KIF13A: variants seen among roughly 807,000 people sequenced by gnomAD.
The protein encoded by KIF13A is kinesin family member 13A.
In KIF13A, 79 loss-of-function variants were observed where a neutral mutation model predicts 212.2. The observed-to-expected ratio is 0.37, with a 90% CI of 0.31 to 0.45. The LOEUF (loss-of-function observed/expected upper bound fraction) is 0.45. Among genes scored for constraint, KIF13A ranks in the 20% least tolerant of loss-of-function variants. The pLI is 1.00. For synonymous variants in KIF13A, 789 were observed against 808.6 expected (o/e 0.98, Z 0.41); for missense variants, 1,901 against 2,209.0 (o/e 0.86, Z 2.79).
intron 16 of KIF13A, among the ~76,000 whole-genome samples, chr6:17,819,630 T>C (rs1764261072): frequency 1.3e-5 from 2 of 152,072 alleles, no homozygotes; most frequent in Admixed American, 1.3e-4. Flanking sequence ...AAAAATCTTA[T>C]GCAAACATAG....
rs1255332430 is a variant in KIF13A at position 17,926,745 on chromosome 6, T to A, written c.147-28565A>T. Among the ~76,000 whole-genome samples the A allele has an allele frequency of 6.6e-6, 1 of 152,204 alleles. No individual in the cohort carries two copies. Among genetic ancestry groups the A allele is most frequent in the Non-Finnish European group, 1.5e-5 (1 of 68,046 alleles). On this transcript the variant is annotated intron_variant, in intron 2 of 38. Coordinates refer to ENST00000259711, the MANE Select transcript of KIF13A (RefSeq NM_022113.6). This position sits in a 1 kb window ranked among gnomAD's most constrained non-coding sequence, Gnocchi z 4.3. The stretch of plus-strand genomic sequence containing the variant: ...GAGAATGTTTAAGTATATTAGGATA[T>A]ATTCAGATGATAAACAACTTGTAGC...
At chr6:17,959,771 C>T (rs1581860928) in intron 2 of KIF13A, among the ~76,000 whole-genome samples, 1 of 152,238 alleles carries the variant, frequency 6.6e-6, no homozygotes, top group Non-Finnish European at 1.5e-5. Flanking sequence ...CGCCCGTAAT[C>T]CCAGCACTTT....
chr6:17,782,062 G>A (rs1328702821), intron 29 of KIF13A, among the ~76,000 whole-genome samples: 3 of 151,900 alleles, frequency 2.0e-5, no homozygotes, highest in African/African-American at 4.8e-5. Context: ...TCAACCTCCC[G>A]AGCAGCTGGG....
In KIF13A at chr6:17,883,559, C is replaced by T. The variant is rs192853558; in HGVS notation, c.160-10122G>A. On this transcript the variant is annotated intron_variant, in intron 3 of 38. Transcript: ENST00000259711. This position sits in a 1 kb window ranked among gnomAD's most constrained non-coding sequence, Gnocchi z 4.8. ...ATTTTTACTTCAACTGCCACAGTAA[C>T]AGACTGGTGTCACCCTACAGGCATT... is the stretch of plus-strand genomic sequence containing the variant. Among the ~76,000 whole-genome samples the T allele has an allele frequency of 1.1e-4, 17 of 152,328 alleles. No individual in the cohort carries two copies. The highest frequency in any genetic ancestry group is 3.4e-4 in the African/African-American group (14 of 41,582).
At chr6:17,908,688 C>G (rs1298756069) in intron 2 of KIF13A, among the ~76,000 whole-genome samples, 3 of 151,758 alleles carry the variant, frequency 2.0e-5, no homozygotes, top group East Asian at 1.9e-4. Context: ...AAAAAAAAAC[C>G]CTGTTTCTTT....
intron 2 of KIF13A, among the ~76,000 whole-genome samples, chr6:17,920,863 G>C (rs1775006282): frequency 8.3e-6 from 1 of 120,844 alleles, no homozygotes; most frequent in East Asian, 2.5e-4. Context: ...GATAGGGCAG[G>C]ACTATGTCTC....
At position 17,809,612 on chromosome 6, in the gene KIF13A, G is replaced by A. The variant is rs926914311; in HGVS notation, c.2001-682C>T. 2.0e-5 allele frequency among the ~76,000 whole-genome samples: 3 copies of A among 152,144 alleles called. No individual in the cohort carries two copies. The highest frequency in any genetic ancestry group is 2.1e-4 in the South Asian group (1 of 4,830). On this transcript the variant is annotated intron_variant, in intron 17 of 38. Coordinates refer to ENST00000259711, the MANE Select transcript of KIF13A (RefSeq NM_022113.6). This position sits in a 1 kb window ranked among gnomAD's most constrained non-coding sequence, Gnocchi z 4.7. ...TAGGTTGCCCCAAGGCAGGGACCAT[G>A]TCTTTTTTTGCTTGCACTACCCTAG... is the stretch of plus-strand genomic sequence containing the variant.
Position 17,833,014 on chromosome 6 carries a change from C to CAAAAAAAAAAAAAAAAAA in KIF13A, c.1266+929_1266+946dup, listed in dbSNP as rs61281213. Among the ~76,000 whole-genome samples the CAAAAAAAAAAAAAAAAAA allele has an allele frequency of 8.0e-5, 6 of 75,386 alleles. 1 individual carries two copies. Among genetic ancestry groups the CAAAAAAAAAAAAAAAAAA allele is most frequent in the African/African-American group, 3.4e-4 (5 of 14,784 alleles). The allele number at this position is 75,386 out of a possible 152,430, so 49.5% of individuals were successfully genotyped here. On this transcript the variant is annotated intron_variant, in intron 12 of 38. Transcript: ENST00000259711. ...GGGCGACAGAGAGAGACTCTGTCTG[C>CAAAAAAAAAAAAAAAAAA]AAAAAAAAAAAAAAAAAAAAAAAAA...
intron 3 of KIF13A, among the ~76,000 whole-genome samples, chr6:17,874,999 G>GTACACACACACA (rs1554188631): frequency 1.2e-4 from 15 of 120,266 alleles, no homozygotes; most frequent in African/African-American, 4.3e-4. Flanking sequence ...ACACGCACAC[G>GTACACACACACA]CACGCACACA....
chr6:17,776,473 T>C lies in KIF13A; in HGVS notation c.4170+804A>G, dbSNP rs1026103886. On this transcript the variant is annotated intron_variant, in intron 34 of 38. Transcript: ENST00000259711. The surrounding 1 kb of genome is among the most constrained non-coding windows in gnomAD (Gnocchi z 4.6). Reference sequence around the variant, plus strand: ...TGAGTTCATGAAAAGCGTTTTTCAATTTACAACTATATGAGTCTCTCTTAT... The same window carrying C: ...TGAGTTCATGAAAAGCGTTTTTCAACTTACAACTATATGAGTCTCTCTTAT... 6.6e-6 allele frequency among the ~76,000 whole-genome samples: 1 copy of C among 152,162 alleles called. No homozygotes were observed. Among genetic ancestry groups the C allele is most frequent in the African/African-American group, 2.4e-5 (1 of 41,458 alleles).
At chr6:17,873,312 A>G in intron 4 of KIF13A, 65 bp downstream of exon 4, 1 of 1,103,150 alleles carries the variant, frequency 9.1e-7, no homozygotes, top group Non-Finnish European at 1.3e-6. Flanking sequence ...GGAATTAAAG[A>G]AAATAAACTC....
chr6:17,933,700 T>G (rs1438482634), intron 2 of KIF13A, among the ~76,000 whole-genome samples: 1 of 152,244 alleles, frequency 6.6e-6, no homozygotes, highest in Non-Finnish European at 1.5e-5. Flanking sequence ...AAGCAACTAC[T>G]TTAACAAGTT....
intron 3 of KIF13A, chr6:17,881,555 G>T (rs1176223781): frequency 4.8e-6 from 2 of 413,986 alleles, no homozygotes; most frequent in African/African-American, 4.2e-5. Flanking sequence ...AAATTAGCTG[G>T]GTGCGGCAGT....
chr6:17,905,951 T>G (rs1773458950), intron 2 of KIF13A, among the ~76,000 whole-genome samples: 1 of 152,220 alleles, frequency 6.6e-6, no homozygotes, highest in Non-Finnish European at 1.5e-5. Context: ...TACTTTTCTA[T>G]CAATAATCTA....
intron 16 of KIF13A, among the ~76,000 whole-genome samples, chr6:17,824,835 G>GGGCC (rs1393895395): frequency 6.6e-6 from 1 of 151,348 alleles, no homozygotes; most frequent in Non-Finnish European, 1.5e-5. Flanking sequence ...GCCTGTCTTA[G>GGGCC]GGCCCTCAGG....
chr6:17,958,052 T>A (rs1249333211), intron 2 of KIF13A, among the ~76,000 whole-genome samples: 1 of 152,214 alleles, frequency 6.6e-6, no homozygotes, highest in African/African-American at 2.4e-5. Context: ...AAACCCTGCT[T>A]TTGAAGCAGC....
chr6:17,945,212 C>T (rs949577870), intron 2 of KIF13A, among the ~76,000 whole-genome samples: 1 of 152,144 alleles, frequency 6.6e-6, no homozygotes, highest in Non-Finnish European at 1.5e-5. Context: ...TCTGGAACTA[C>T]AACTAGATGA....
chr6:17,775,871 A>G (rs991329147), intron 34 of KIF13A, among the ~76,000 whole-genome samples: 9 of 151,796 alleles, frequency 5.9e-5, no homozygotes, highest in African/African-American at 2.2e-4. Flanking sequence ...AGATTACTTC[A>G]TAAGCAGTTT....
chr6:17,764,129 CA>C lies in KIF13A; in HGVS notation c.5398del (p.Trp1800GlyfsTer10). On this transcript the variant is annotated frameshift_variant, in exon 39 of 39. Coordinates refer to ENST00000259711, the MANE Select transcript of KIF13A (RefSeq NM_022113.6). LOFTEE classifies it high-confidence loss of function. This position sits in a 1 kb window ranked among gnomAD's most constrained non-coding sequence, Gnocchi z 5.1. ...ACATACTCATTGACAGCACAGAACC[CA>C]AAAGGCTGCCTCTGGAATTATTACC... ...DQVIIPEAAF[W>X]VLCCQ 6.2e-7 allele frequency: 1 copy of C among 1,613,908 alleles called. No individual in the cohort carries two copies. The highest frequency in any genetic ancestry group is 8.5e-7 in the Non-Finnish European group (1 of 1,179,862).
Sources: allele counts gnomAD v4.1 joint callset (sites outside exome capture counted in the v4.1 genomes callset), GRCh38; gene constraint gnomAD v4.1.1; non-coding constraint Gnocchi (gnomAD v3.1); transcripts MANE v1.5; gene names NCBI Gene and HGNC (gene_info 2026-07-23, HGNC 2026-07-21).